The following C2orf76 variants were observed in gnomAD, a reference collection of about 807,000 sequenced individuals.
C2orf76 encodes chromosome 2 open reading frame 76, also known as UPF0538 protein C2orf76.
In C2orf76, 23 loss-of-function variants were observed where a neutral mutation model predicts 16.9. The ratio of observed to expected loss-of-function variants is 1.36; its 90% CI spans 0.98 to 1.93. The LOEUF (loss-of-function observed/expected upper bound fraction) is 1.93, where lower values mean the gene tolerates loss of function less well. Ranked by LOEUF, C2orf76 falls within the 30% of genes most tolerant of loss-of-function variation. The pLI is 0.00. For missense variants in C2orf76, 152 were observed against 152.6 expected (o/e 1.00, Z 0.02); for synonymous variants, 48 against 52.3 (o/e 0.92, Z 0.35).
intron 3 of C2orf76, among the ~76,000 whole-genome samples, chr2:119,320,388 A>G (rs912476894): frequency 1.4e-4 from 22 of 152,212 alleles, no homozygotes; most frequent in African/African-American, 5.3e-4. Context: ...CTTATTCAAT[A>G]TTGAGTATGT....
intron 2 of C2orf76, among the ~76,000 whole-genome samples, chr2:119,339,306 T>C (rs1170763088): frequency 1.3e-5 from 2 of 152,168 alleles, no homozygotes. Context: ...ATTGAGGACA[T>C]AACAGAATGA....
chr2:119,311,790 CTG>C (rs1287646804), intron 4 of C2orf76, 87 bp from the exon 5 acceptor site: 1 of 1,193,740 alleles, frequency 8.4e-7, no homozygotes, highest in Non-Finnish European at 1.2e-6. Flanking sequence ...AGTTGTAACT[CTG>C]AGCACAGCAA....
intron 5 of C2orf76, among the ~76,000 whole-genome samples, chr2:119,304,650 T>A (rs958142175): frequency 2.0e-5 from 3 of 152,134 alleles, no homozygotes; most frequent in Admixed American, 2.0e-4. Context: ...TTTAAAAAAT[T>A]TTTCACCCTT....
In C2orf76 at chr2:119,312,451, T is replaced by C. The variant is rs1573626328; in HGVS notation, c.223-748A>G. 1.3e-5 allele frequency among the ~76,000 whole-genome samples: 2 copies of C among 152,202 alleles called. 1 individual carries two copies. The highest frequency in any genetic ancestry group is 4.2e-4 in the South Asian group (2 of 4,814). ...TTTTAGTAGAGACGGGGTCTCACTA[T>C]CTTGCCCAGGCTCGTCTCAAACTCC... On this transcript the variant is annotated intron_variant, in intron 4 of 5. Transcript: ENST00000334816.
At chr2:119,312,123 T>C (rs1431114321) in intron 4 of C2orf76, among the ~76,000 whole-genome samples, 1 of 152,210 alleles carries the variant, frequency 6.6e-6, no homozygotes, top group African/African-American at 2.4e-5. Context: ...GCACTCTCTC[T>C]TAGCTGTCAC....
At chr2:119,313,424 C>CAA (rs925980047) in intron 4 of C2orf76, among the ~76,000 whole-genome samples, 1 of 142,210 alleles carries the variant, frequency 7.0e-6, no homozygotes, top group African/African-American at 2.6e-5. Context: ...CCGATCTCTA[C>CAA]AAAAAAAAAA....
the C2orf76 span, among the ~76,000 whole-genome samples, chr2:119,286,009 C>A: frequency 2.6e-5 from 4 of 151,928 alleles, no homozygotes; most frequent in Admixed American, 2.0e-4. Context: ...GGGCGGATCA[C>A]GAGGTCAAGA....
At chr2:119,322,851 G>A (rs947046454) in intron 2 of C2orf76, among the ~76,000 whole-genome samples, 1 of 150,692 alleles carries the variant, frequency 6.6e-6, no homozygotes, top group African/African-American at 2.5e-5. Context: ...CTTGCTGAGT[G>A]GGGGGTGGGG....
chr2:119,340,500 T>C (rs1037812570), intron 1 of C2orf76: 24 of 152,598 alleles, frequency 1.6e-4, no homozygotes, highest in African/African-American at 5.8e-4. Context: ...GCTGAGTATG[T>C]ATAGTTCATC....
intron 1 of C2orf76, among the ~76,000 whole-genome samples, chr2:119,348,128 C>T (rs760019489): frequency 2.0e-5 from 3 of 151,254 alleles, no homozygotes; most frequent in Non-Finnish European, 4.4e-5. Context: ...TATACTATTC[C>T]ATTTGTAAAT....
the C2orf76 span, among the ~76,000 whole-genome samples, chr2:119,283,463 T>G: frequency 6.6e-6 from 1 of 152,166 alleles, no homozygotes; most frequent in African/African-American, 2.4e-5. Context: ...GTTCTTTTGG[T>G]TTTTTTGTTT....
intron 2 of C2orf76, among the ~76,000 whole-genome samples, chr2:119,325,094 G>T (rs1679464817): frequency 6.6e-6 from 1 of 152,056 alleles, no homozygotes; most frequent in Non-Finnish European, 1.5e-5. Context: ...CCAGCACTTT[G>T]GGAGTTCAAG....
chr2:119,358,517 G>A (rs1680643592), intron 1 of C2orf76, among the ~76,000 whole-genome samples: 1 of 149,132 alleles, frequency 6.7e-6, no homozygotes, highest in Non-Finnish European at 1.5e-5. Context: ...GGTGCAGATT[G>A]CAGTGAGCCG....
chr2:119,297,667 C>A (rs566696904), downstream of C2orf76, among the ~76,000 whole-genome samples: 1 of 152,068 alleles, frequency 6.6e-6, no homozygotes, highest in Admixed American at 6.5e-5. Context: ...CTACCATGCC[C>A]AGCTAATTTT....
intron 2 of C2orf76, among the ~76,000 whole-genome samples, chr2:119,337,895 A>T (rs1042723401): frequency 1.3e-5 from 2 of 152,188 alleles, no homozygotes; most frequent in African/African-American, 4.8e-5. Flanking sequence ...GAAAAAAGAC[A>T]TCTTCCCCTG....
At chr2:119,348,844 A>G (rs899747686) in intron 1 of C2orf76, among the ~76,000 whole-genome samples, 2 of 152,166 alleles carry the variant, frequency 1.3e-5, no homozygotes, top group East Asian at 1.9e-4. Context: ...TAAAAATACA[A>G]AAGTTAGCCC....
At chr2:119,343,731 G>A (rs1240269289) in intron 1 of C2orf76, among the ~76,000 whole-genome samples, 1 of 152,134 alleles carries the variant, frequency 6.6e-6, no homozygotes, top group Non-Finnish European at 1.5e-5. Context: ...AGTGAGCTGA[G>A]ATTGCGCCAC....
At chr2:119,319,835 C>A (rs1238760967) in intron 3 of C2orf76, among the ~76,000 whole-genome samples, 2 of 152,160 alleles carry the variant, frequency 1.3e-5, no homozygotes, top group African/African-American at 4.8e-5. Flanking sequence ...CCCTGTCCCG[C>A]AGACCGTGAG....
At chr2:119,317,330 A>G (rs558790082) in intron 4 of C2orf76, 136 bp downstream of exon 4, 8 of 530,714 alleles carry the variant, frequency 1.5e-5, no homozygotes, top group African/African-American at 1.4e-4. Flanking sequence ...AAGGCAGTAA[A>G]AAGGGTACCT....
Sources: allele counts gnomAD v4.1 joint callset (sites outside exome capture counted in the v4.1 genomes callset), GRCh38; gene constraint gnomAD v4.1.1; transcripts MANE v1.5; gene names NCBI Gene and HGNC (gene_info 2026-07-23, HGNC 2026-07-21).